The following PMFBP1 variants were observed in gnomAD, a reference collection of about 807,000 sequenced individuals.
PMFBP1 encodes the protein polyamine modulated factor 1 binding protein 1.
Under a neutral mutation model 137.8 loss-of-function variants are expected in PMFBP1, and 131 were observed. That is an observed-to-expected ratio of 0.95 (90% CI 0.82 to 1.10). PMFBP1 has a LOEUF of 1.10. Among genes scored for constraint, PMFBP1 ranks in the 50% least tolerant of loss-of-function variants. The pLI is 0.00. For missense variants in PMFBP1, 1,199 were observed against 1,175.4 expected (o/e 1.02, Z -0.29); for synonymous variants, 490 against 450.4 (o/e 1.09, Z -1.11).
In PMFBP1 at chr16:72,130,538, G is replaced by A. The variant is rs768965660; in HGVS notation, c.1632C>T (p.Ser544=). Residue 544 remains serine (S), a synonymous_variant, in exon 11 of 21, where the codon TCC becomes TCT. Coordinates refer to ENST00000237353, the MANE Select transcript of PMFBP1 (RefSeq NM_031293.3). ...GGGAGCCTGAGCCTGGGCACCTGTT[G>A]GAGGTTTGTTCCTTCTCAGCCATCG... is the stretch of plus-strand genomic sequence containing the variant. ...ESSMAEKEQT[S]NRKRVEELSL... The A allele has an allele frequency of 1.9e-6, 3 of 1,614,090 alleles. No individual in the cohort carries two copies. Among genetic ancestry groups the A allele is most frequent in the Non-Finnish European group, 2.5e-6 (3 of 1,179,994 alleles).
the PMFBP1 span, among the ~76,000 whole-genome samples, chr16:72,220,616 C>T: frequency 2.3e-4 from 35 of 152,150 alleles, no homozygotes; most frequent in South Asian, 6.2e-4. Flanking sequence ...TGAGCTCCAA[C>T]GAGAAAACAC....
chr16:72,218,546 G>T, the PMFBP1 span, among the ~76,000 whole-genome samples: 2 of 152,094 alleles, frequency 1.3e-5, no homozygotes, highest in Admixed American at 1.3e-4. Flanking sequence ...CTCCCAAAGT[G>T]CTGGGATTAC....
Position 72,164,764 on chromosome 16 carries a change from G to A in PMFBP1, c.165C>T (p.His55=), listed in dbSNP as rs373117952. 5.5e-5 allele frequency: 88 copies of A among 1,586,266 alleles called. No homozygotes were observed. Among genetic ancestry groups the A allele is most frequent in the African/African-American group, 1.1e-4 (8 of 74,500 alleles). The stretch of plus-strand genomic sequence containing the variant: ...GAGCGGCTGCTGCCAAGTCCCTTAC[G>A]TGGCTGCTGTTCATTGCCTCCTCCA... The part of the protein sequence containing the change: ...LCMEEAMNSS[H]DKKQAQALAF... The change falls in exon 3 of 21, where the codon CAC becomes CAT. Residue 55 remains histidine (H), a splice_region_variant and synonymous_variant. Transcript: ENST00000237353.
chr16:72,224,670 C>G, the PMFBP1 span: 1 of 152,464 alleles, frequency 6.6e-6, no homozygotes, highest in Non-Finnish European at 1.5e-5. Flanking sequence ...TGCTCAGTTC[C>G]ATAAAGCTTC....
the PMFBP1 span, among the ~76,000 whole-genome samples, chr16:72,211,385 T>TC: frequency 6.6e-6 from 1 of 152,082 alleles, no homozygotes; most frequent in Non-Finnish European, 1.5e-5. Flanking sequence ...GGACTAAACT[T>TC]CCCCATACAA....
intron 2 of PMFBP1, among the ~76,000 whole-genome samples, chr16:72,170,757 T>C (rs73582425): frequency 6.6e-6 from 1 of 152,212 alleles, no homozygotes; most frequent in African/African-American, 2.4e-5. Context: ...GACCAAAATA[T>C]TAAACTAATC....
chr16:72,148,685 A>G (rs2042852564), intron 5 of PMFBP1, among the ~76,000 whole-genome samples: 1 of 152,208 alleles, frequency 6.6e-6, no homozygotes, highest in Non-Finnish European at 1.5e-5. Flanking sequence ...AAAAAAGACT[A>G]AAAACCCAGT....
chr16:72,228,167 A>G, the PMFBP1 span, among the ~76,000 whole-genome samples: 1 of 152,156 alleles, frequency 6.6e-6, no homozygotes, highest in East Asian at 1.9e-4. Flanking sequence ...TCGAGCCTGG[A>G]CCAATTCCCA....
the PMFBP1 span, among the ~76,000 whole-genome samples, chr16:72,199,884 T>C: frequency 6.6e-6 from 1 of 151,960 alleles, no homozygotes; most frequent in Non-Finnish European, 1.5e-5. Flanking sequence ...AGCGTGGAAT[T>C]AGGATGGGGC....
chr16:72,249,850 G>A, the PMFBP1 span, among the ~76,000 whole-genome samples: 1 of 148,670 alleles, frequency 6.7e-6, no homozygotes. Flanking sequence ...GAACCCGGGA[G>A]GCAGAGGTTG....
intron 19 of PMFBP1, 80 bp from the exon 20 acceptor site, chr16:72,120,169 G>C: frequency 6.2e-7 from 1 of 1,601,240 alleles, no homozygotes; most frequent in Non-Finnish European, 8.5e-7. Context: ...ACAGATAAAG[G>C]TGTCACAGGG....
the PMFBP1 span, among the ~76,000 whole-genome samples, chr16:72,206,445 T>C: frequency 1.3e-5 from 2 of 152,186 alleles, no homozygotes; most frequent in African/African-American, 4.8e-5. Flanking sequence ...CACAGATAAG[T>C]CACTCCTGAT....
chr16:72,127,031 G>A (rs1288654740), intron 14 of PMFBP1, among the ~76,000 whole-genome samples: 1 of 152,188 alleles, frequency 6.6e-6, no homozygotes, highest in Non-Finnish European at 1.5e-5. Context: ...TATACTTTAA[G>A]TACAGGACAG....
At chr16:72,222,272 T>G in the PMFBP1 span, among the ~76,000 whole-genome samples, 1 of 152,172 alleles carries the variant, frequency 6.6e-6, no homozygotes, top group East Asian at 1.9e-4. Context: ...ATGCCTGGCA[T>G]AACCCTGGCA....
intron 4 of PMFBP1, 119 bp from the exon 5 acceptor site, chr16:72,150,948 G>C: frequency 2.4e-6 from 2 of 819,544 alleles, no homozygotes; most frequent in South Asian, 2.9e-5. Flanking sequence ...CAGATGAACA[G>C]AAGAGAGGCT....
At chr16:72,160,007 A>G (rs8047881) in intron 3 of PMFBP1, among the ~76,000 whole-genome samples, 25,912 of 152,172 alleles carry the variant, frequency 0.17, 2,364 homozygotes, top group South Asian at 0.19. Context: ...ATTTCTATCC[A>G]GGTCTCAGCT....
upstream of PMFBP1, among the ~76,000 whole-genome samples, chr16:72,176,041 T>C (rs554632202): frequency 6.6e-6 from 1 of 151,890 alleles, no homozygotes; most frequent in Admixed American, 6.6e-5. Context: ...GCATAACTGG[T>C]AGGGGGAGAT....
At chr16:72,175,621 G>A (rs982340365), upstream of PMFBP1, among the ~76,000 whole-genome samples, 7 of 152,144 alleles carry the variant, frequency 4.6e-5, no homozygotes, top group African/African-American at 7.2e-5. Flanking sequence ...ACATGTTTCC[G>A]GGTTTTCAGG....
intron 18 of PMFBP1, 31 bp from the exon 19 acceptor site, chr16:72,123,019 C>T (rs990718308): frequency 4.4e-6 from 7 of 1,594,682 alleles, no homozygotes; most frequent in African/African-American, 4.0e-5. Context: ...AAAACAGCAG[C>T]CAGTCGCCAG....
Sources: allele counts gnomAD v4.1 joint callset (sites outside exome capture counted in the v4.1 genomes callset), GRCh38; gene constraint gnomAD v4.1.1; transcripts MANE v1.5; gene names NCBI Gene and HGNC (gene_info 2026-07-23, HGNC 2026-07-21).